Variants in C10orf90 observed in about 807,000 individuals in gnomAD.
C10orf90 encodes the protein chromosome 10 open reading frame 90.
C10orf90 carries 56 observed loss-of-function variants against 62.5 expected under a neutral mutation model. The ratio of observed to expected loss-of-function variants is 0.90; its 90% CI spans 0.72 to 1.12. The LOEUF is 1.12. Among genes scored for constraint, C10orf90 ranks in the 50% most tolerant of loss-of-function variants. C10orf90 has a pLI of 0.00. For synonymous variants in C10orf90, 386 were observed against 340.4 expected (o/e 1.13, Z -1.47); for missense variants, 970 against 880.4 (o/e 1.10, Z -1.29).
chr10:126,532,505 A>G (rs1864119745), intron 2 of C10orf90, among the ~76,000 whole-genome samples: 1 of 151,942 alleles, frequency 6.6e-6, no homozygotes, highest in Non-Finnish European at 1.5e-5. Context: ...CATCACTCTC[A>G]AATGAACCCC....
intron 2 of C10orf90, among the ~76,000 whole-genome samples, chr10:126,622,137 G>T (rs1845655504): frequency 6.6e-6 from 1 of 152,104 alleles, no homozygotes; most frequent in South Asian, 2.1e-4. Flanking sequence ...ATCATATCTG[G>T]TTCGTTCTTA....
intron 2 of C10orf90, among the ~76,000 whole-genome samples, chr10:126,624,085 C>T (rs559554422): frequency 5.4e-4 from 82 of 152,180 alleles, no homozygotes; most frequent in South Asian, 3.3e-3. Context: ...CGGTGGCTCA[C>T]GCCTGTAATC....
intron 2 of C10orf90, among the ~76,000 whole-genome samples, chr10:126,532,710 G>T (rs999140783): frequency 6.0e-5 from 9 of 150,300 alleles, no homozygotes; most frequent in Non-Finnish European, 1.3e-4. Flanking sequence ...GGTGGCGGGT[G>T]CCTGTAGTCC....
chr10:126,579,984 C>A (rs1844712346), intron 2 of C10orf90, among the ~76,000 whole-genome samples: 1 of 152,134 alleles, frequency 6.6e-6, no homozygotes, highest in South Asian at 2.1e-4. Flanking sequence ...GCTCAGAATT[C>A]TACCTGGGCA....
At chr10:126,643,537 T>G (rs1846106656) in intron 2 of C10orf90, among the ~76,000 whole-genome samples, 1 of 152,182 alleles carries the variant, frequency 6.6e-6, no homozygotes. Context: ...ACATCTAATA[T>G]CTGACCTTGC....
intron 2 of C10orf90, among the ~76,000 whole-genome samples, chr10:126,609,389 G>A (rs1218559231): frequency 6.6e-6 from 1 of 152,234 alleles, no homozygotes; most frequent in Middle Eastern, 3.4e-3. Flanking sequence ...GGCAAAAAGA[G>A]TGAAACTCCA....
intron 2 of C10orf90, among the ~76,000 whole-genome samples, chr10:126,614,304 G>T (rs1051032422): frequency 6.6e-6 from 1 of 152,074 alleles, no homozygotes; most frequent in South Asian, 2.1e-4. Flanking sequence ...GGTCATCGGG[G>T]TTAGAAAGGA....
chr10:126,593,250 G>A lies in C10orf90; in HGVS notation c.313+53315C>T, dbSNP rs181335337. ...ATACATGCACACATATGTTCACTGC[G>A]GCACTATCCACAATAGCAAAGACAT... On this transcript the variant is annotated intron_variant, in intron 2 of 9. Coordinates refer to ENST00000488181, the MANE Select transcript of C10orf90 (RefSeq NM_001350921.2). Among the ~76,000 whole-genome samples the A allele has an allele frequency of 2.1e-3, 316 of 152,192 alleles. 2 individuals are homozygous for A. The highest frequency in any genetic ancestry group is 7.2e-3 in the African/African-American group (299 of 41,522).
At chr10:126,589,523 C>T (rs923839666) in intron 2 of C10orf90, among the ~76,000 whole-genome samples, 2 of 152,180 alleles carry the variant, frequency 1.3e-5, no homozygotes, top group Non-Finnish European at 2.9e-5. Flanking sequence ...AGAAACCCTA[C>T]AAGCCAGAAG....
At chr10:126,481,996 T>G (rs1164972413) in intron 4 of C10orf90, among the ~76,000 whole-genome samples, 1 of 152,008 alleles carries the variant, frequency 6.6e-6, no homozygotes, top group Non-Finnish European at 1.5e-5. Flanking sequence ...CCAAGACGAG[T>G]CTGAACAGAC....
At chr10:126,485,282 C>G (rs888135833) in intron 4 of C10orf90, among the ~76,000 whole-genome samples, 2 of 152,180 alleles carry the variant, frequency 1.3e-5, no homozygotes, top group African/African-American at 2.4e-5. Context: ...CTCAGACTTC[C>G]AGTCTCCAGA....
intron 4 of C10orf90, among the ~76,000 whole-genome samples, chr10:126,479,650 T>C (rs1861069864): frequency 6.6e-6 from 1 of 152,142 alleles, no homozygotes; most frequent in African/African-American, 2.4e-5. Context: ...TTTATACACA[T>C]GGGGGTTATT....
At chr10:126,576,705 GTATATATA>G (rs377730398) in intron 2 of C10orf90, among the ~76,000 whole-genome samples, 4,952 of 61,926 alleles carry the variant, frequency 0.08, 640 homozygotes, top group Middle Eastern at 0.11. Flanking sequence ...ATATGTATAT[GTATATATA>G]TACAAGATAT....
chr10:126,666,367 A>G (rs1009964908), intron 1 of C10orf90, among the ~76,000 whole-genome samples: 1 of 152,206 alleles, frequency 6.6e-6, no homozygotes, highest in African/African-American at 2.4e-5. Flanking sequence ...ACACCAAACA[A>G]TGTAAGATTC....
intron 7 of C10orf90, among the ~76,000 whole-genome samples, chr10:126,442,478 C>CATAAATATATATATATAT (rs1858411276): frequency 3.0e-5 from 1 of 33,810 alleles, no homozygotes; most frequent in African/African-American, 1.6e-4. Flanking sequence ...TTCAATATTT[C>CATAAATATATATATATAT]ATATATATAT....
intron 2 of C10orf90, among the ~76,000 whole-genome samples, chr10:126,533,776 G>C (rs959488227): frequency 6.6e-6 from 1 of 152,224 alleles, no homozygotes; most frequent in African/African-American, 2.4e-5. Context: ...TCACTTTAGG[G>C]AATTGTTTAA....
At position 126,646,001 on chromosome 10, in the gene C10orf90, AC is replaced by A. The variant is rs367690093; in HGVS notation, c.313+563del. On this transcript the variant is annotated intron_variant, in intron 2 of 9. Transcript: ENST00000488181. ...AGTCGATTAACCCAGTAGTCTTATT[AC>A]AGTTCCATCAGAACATTGGACTAAA... is the stretch of plus-strand genomic sequence containing the variant. 2.6e-4 allele frequency among the ~76,000 whole-genome samples: 40 copies of A among 152,350 alleles called. No individual in the cohort carries two copies. The East Asian group carries it at 5.6e-3, about 21-fold the overall frequency.
chr10:126,565,092 T>A (rs868232754), intron 2 of C10orf90, among the ~76,000 whole-genome samples: 11 of 11,566 alleles, frequency 9.5e-4, no homozygotes, highest in Admixed American at 3.4e-3. Context: ...AAAATATATA[T>A]TATATAATAT....
In C10orf90 at chr10:126,504,183, T is replaced by G; in HGVS notation, c.1308A>C (p.Leu436Phe). 4 of 1,614,144 alleles carry G rather than the reference T, an allele frequency of 2.5e-6. No individual in the cohort carries two copies. Among genetic ancestry groups the G allele is most frequent in the Non-Finnish European group, 2.5e-6 (3 of 1,180,034 alleles). ...DLVGQRWNPG[L>F]QESHLKETPS... ...GGGTTTCCTTCAAGTGACTTTCTTG[T>G]AAACCTGGGTTCCAGCGCTGGCCTA... Residue 436 changes from leucine (L) to phenylalanine (F), a missense_variant, in exon 4 of 10, where the codon TTA (leucine) becomes TTC (phenylalanine). Leu to Phe is a conservative substitution (Grantham distance 22, BLOSUM62 0). Transcript: ENST00000488181. This position sits in a 1 kb window ranked among gnomAD's most constrained non-coding sequence, Gnocchi z 4.1.
Sources: gnomAD v4.1 joint callset for allele counts (sites outside exome capture counted in the v4.1 genomes callset) on GRCh38, gnomAD v4.1.1 for gene constraint, Gnocchi (gnomAD v3.1) non-coding constraint, MANE v1.5 for transcripts, NCBI Gene and HGNC (gene_info 2026-07-23, HGNC 2026-07-21) for gene names.